Variants in IQCH observed in about 807,000 individuals in gnomAD.
IQCH encodes the protein IQ domain-containing protein H.
In IQCH, 98 loss-of-function variants were observed where a neutral mutation model predicts 117.0. The ratio of observed to expected loss-of-function variants is 0.84; its 90% CI spans 0.71 to 0.99. The LOEUF is 0.99. Ranked by LOEUF, IQCH falls within the 50% of genes least tolerant of loss-of-function variation. The probability of loss-of-function intolerance (pLI) is 0.00; values close to 1 mark genes in which losing one functional copy is unlikely to be tolerated. For missense variants in IQCH, 1,102 were observed against 1,243.8 expected (o/e 0.89, Z 1.72); for synonymous variants, 412 against 448.2 (o/e 0.92, Z 1.02).
chr15:67,492,602 C>A (rs576120192), intron 19 of IQCH, among the ~76,000 whole-genome samples: 21 of 152,240 alleles, frequency 1.4e-4, no homozygotes, highest in African/African-American at 5.1e-4. Context: ...GAGAGGAGGC[C>A]ACTTTTGGAG....
intron 6 of IQCH, among the ~76,000 whole-genome samples, chr15:67,352,743 C>T (rs1455844089): frequency 6.6e-6 from 1 of 152,056 alleles, no homozygotes; most frequent in African/African-American, 2.4e-5. Flanking sequence ...TTGTGTTCTA[C>T]AGGTTCATTG....
chr15:67,307,765 G>A (rs537130615), intron 4 of IQCH, among the ~76,000 whole-genome samples: 18 of 152,122 alleles, frequency 1.2e-4, no homozygotes, highest in Non-Finnish European at 2.2e-4. Flanking sequence ...TGCTGAGATG[G>A]AGTTAACTTA....
Position 67,376,119 on chromosome 15 carries a change from CATTAA to C in IQCH, c.1372+2692_1372+2696del, listed in dbSNP as rs1379241319. On this transcript the variant is annotated intron_variant, in intron 10 of 20. Coordinates refer to ENST00000335894, the MANE Select transcript of IQCH (RefSeq NM_001031715.3). The surrounding 1 kb of genome is among the most constrained non-coding windows in gnomAD (Gnocchi z 5.0). ...GGATTTTATACAAATGACTTGTGAA[CATTAA>C]ATTAAGTAACAACAAGCTGTCATCT... 2.6e-5 allele frequency among the ~76,000 whole-genome samples: 4 copies of C among 152,118 alleles called. No individual in the cohort carries two copies. The highest frequency in any genetic ancestry group is 5.9e-5 in the Non-Finnish European group (4 of 68,028).
At chr15:67,440,178 G>A (rs568817780) in intron 16 of IQCH, among the ~76,000 whole-genome samples, 1 of 152,210 alleles carries the variant, frequency 6.6e-6, no homozygotes, top group African/African-American at 2.4e-5. Context: ...GGAAGAATTA[G>A]ATACCCTGAA....
chr15:67,494,235 A>T lies in IQCH; in HGVS notation c.2862-23A>T. 6.4e-7 allele frequency: 1 copy of T among 1,563,414 alleles called. No individual in the cohort carries two copies. Among genetic ancestry groups the T allele is most frequent in the Non-Finnish European group, 8.7e-7 (1 of 1,148,132 alleles). On this transcript the variant is annotated intron_variant, in intron 19 of 20. Coordinates refer to ENST00000335894, the MANE Select transcript of IQCH (RefSeq NM_001031715.3). The surrounding 1 kb of genome is among the most constrained non-coding windows in gnomAD (Gnocchi z 5.5). ...TGTGAAGGGAATCGTTGGTAAACTC[A>T]TTTGTTTGGATATCATTAACAGAAC...
At chr15:67,336,707 A>G (rs917164477) in intron 4 of IQCH, among the ~76,000 whole-genome samples, 3 of 152,220 alleles carry the variant, frequency 2.0e-5, no homozygotes, top group African/African-American at 7.2e-5. Context: ...CAAAATCTTA[A>G]TAGTTCTTTT....
intron 13 of IQCH, 142 bp from the exon 14 acceptor site, chr15:67,399,972 G>C: frequency 1.6e-6 from 1 of 617,734 alleles, no homozygotes; most frequent in East Asian, 2.7e-5. Context: ...TCTTTAATCT[G>C]TCTTAATAAC....
chr15:67,341,603 C>A (rs947874801), intron 5 of IQCH, among the ~76,000 whole-genome samples: 6 of 152,076 alleles, frequency 3.9e-5, no homozygotes, highest in African/African-American at 1.4e-4. Flanking sequence ...CTTCAGGTGA[C>A]CGTTTTGCTC....
intron 8 of IQCH, 31 bp from the exon 9 acceptor site, chr15:67,372,080 A>G (rs749333132): frequency 6.5e-7 from 1 of 1,547,270 alleles, no homozygotes; most frequent in South Asian, 1.2e-5. Flanking sequence ...AATATCTTTC[A>G]CTTCTAAAAT....
rs1434165970 is a variant in IQCH at position 67,491,920 on chromosome 15, G to A, written c.2861+1856G>A. 6.6e-6 allele frequency among the ~76,000 whole-genome samples: 1 copy of A among 152,108 alleles called. No individual in the cohort carries two copies. Among genetic ancestry groups the A allele is most frequent in the Admixed American group, 6.5e-5 (1 of 15,278 alleles). ...GGAAGCTGCCACTCTAGAGGGGTGG[G>A]CATACAGTAAACAAGTAAACAGGTA... On this transcript the variant is annotated intron_variant, in intron 19 of 20. Coordinates refer to ENST00000335894, the MANE Select transcript of IQCH (RefSeq NM_001031715.3). The surrounding 1 kb of genome is among the most constrained non-coding windows in gnomAD (Gnocchi z 4.9).
chr15:67,372,647 T>G lies in IQCH; in HGVS notation c.1290T>G (p.Phe430Leu). The G allele has an allele frequency of 6.2e-7, 1 of 1,604,588 alleles. No homozygotes were observed. Among genetic ancestry groups the G allele is most frequent in the Non-Finnish European group, 8.5e-7 (1 of 1,174,842 alleles). ...KESRQRHLEN[F>L]RIRAKHLAAN... The stretch of plus-strand genomic sequence containing the variant: ...CACGTCAGAGACACCTGGAGAATTT[T>G]CGCATTCGAGCCAAGGTGCACAAGG... The change falls in exon 9 of 21, where the codon TTT becomes TTG. Residue 430 changes from phenylalanine (F) to leucine (L), a missense_variant. By Grantham distance (22) the Phe-to-Leu change is conservative (BLOSUM62 0). Transcript: ENST00000335894.
chr15:67,389,142 AGTT>A, intron 12 of IQCH, 136 bp downstream of exon 12: 1 of 674,168 alleles, frequency 1.5e-6, no homozygotes, highest in Non-Finnish European at 2.5e-6. Flanking sequence ...TTAGACTACT[AGTT>A]GGTCTGTAGG....
At position 67,416,349 on chromosome 15, in the gene IQCH, C is replaced by T. The variant is rs2081576756; in HGVS notation, c.2098-582C>T. Reference sequence around the variant, plus strand: ...CCTGACCAACATGGAGAAACCCCGTCACTACTAAAAATACAAAATTAGCCA... The same window carrying T: ...CCTGACCAACATGGAGAAACCCCGTTACTACTAAAAATACAAAATTAGCCA... On this transcript the variant is annotated intron_variant, in intron 14 of 20. Transcript: ENST00000335894. This position sits in a 1 kb window ranked among gnomAD's most constrained non-coding sequence, Gnocchi z 5.1. Among the ~76,000 whole-genome samples, 1 of 151,898 alleles carries T rather than the reference C, an allele frequency of 6.6e-6. No homozygotes were observed.
chr15:67,266,509 T>C (rs945725272), intron 3 of IQCH, among the ~76,000 whole-genome samples: 3 of 151,956 alleles, frequency 2.0e-5, no homozygotes, highest in Non-Finnish European at 2.9e-5. Flanking sequence ...CAAAAAAAAT[T>C]AGCCAGGCGT....
intron 3 of IQCH, among the ~76,000 whole-genome samples, chr15:67,270,549 TTGGTGCCATTCTCA>T (rs1012393336): frequency 5.9e-5 from 9 of 152,138 alleles, no homozygotes; most frequent in African/African-American, 9.7e-5. Context: ...CATGAATGGA[TTGGTGCCATTCTCA>T]TGGGAGTGAG....
chr15:67,323,312 G>A (rs1281575621), intron 4 of IQCH, among the ~76,000 whole-genome samples: 8 of 142,386 alleles, frequency 5.6e-5, no homozygotes, highest in South Asian at 2.2e-4. Flanking sequence ...GTGCGATCTC[G>A]GCTCACTGCA....
chr15:67,361,514 T>G (rs1029637134), intron 8 of IQCH, among the ~76,000 whole-genome samples: 3 of 152,238 alleles, frequency 2.0e-5, no homozygotes, highest in Non-Finnish European at 4.4e-5. Flanking sequence ...CATATTACAT[T>G]TATTGCATTT....
At chr15:67,399,966 T>C (rs1468949451) in intron 13 of IQCH, 148 bp from the exon 14 acceptor site, 3 of 573,094 alleles carry the variant, frequency 5.2e-6, no homozygotes, top group South Asian at 3.1e-5. Context: ...TAAACTTCTT[T>C]AATCTGTCTT....
At chr15:67,306,302 C>T (rs778979759) in intron 4 of IQCH, among the ~76,000 whole-genome samples, 3 of 152,054 alleles carry the variant, frequency 2.0e-5, no homozygotes, top group Non-Finnish European at 4.4e-5. Context: ...TTATAAAAAT[C>T]ATTTCAAAAG....
Sources: allele counts gnomAD v4.1 joint callset (sites outside exome capture counted in the v4.1 genomes callset), GRCh38; gene constraint gnomAD v4.1.1; non-coding constraint Gnocchi (gnomAD v3.1); transcripts MANE v1.5; gene names NCBI Gene and HGNC (gene_info 2026-07-23, HGNC 2026-07-21).